MGAT4C: variants seen among roughly 807,000 people sequenced by gnomAD.
The protein encoded by MGAT4C is MGAT4 family member C.
A neutral mutation model predicts 40.1 loss-of-function variants in MGAT4C; 19 were observed. The observed-to-expected ratio is 0.47, with a 90% CI of 0.33 to 0.70. The LOEUF (loss-of-function observed/expected upper bound fraction) is 0.70, where lower values mean the gene tolerates loss of function less well. MGAT4C is among the 30% of genes least tolerant of loss of function. The pLI, the probability that MGAT4C is intolerant of heterozygous loss-of-function variation, is 0.02. For missense variants in MGAT4C, 491 were observed against 563.2 expected (o/e 0.87, Z 1.30); for synonymous variants, 181 against 187.1 (o/e 0.97, Z 0.27).
intron 2 of MGAT4C, among the ~76,000 whole-genome samples, chr12:86,572,383 C>T (rs1383382075): frequency 6.6e-6 from 1 of 152,052 alleles, no homozygotes; most frequent in East Asian, 1.9e-4. Context: ...CCTGTGGTTT[C>T]TATAACCAAT....
chr12:86,362,992 G>C (rs534730302), intron 3 of MGAT4C, among the ~76,000 whole-genome samples: 1 of 151,524 alleles, frequency 6.6e-6, no homozygotes, highest in African/African-American at 2.4e-5. Flanking sequence ...AATTCATTAA[G>C]AAGTAATAGT....
rs992579089 is a variant in MGAT4C, at chr12:85,969,200, T to C, written c.*10089A>G. 1 of 151,724 alleles carries C rather than the reference T, an allele frequency of 6.6e-6. No homozygotes were observed. The highest frequency in any genetic ancestry group is 1.5e-5 in the Non-Finnish European group (1 of 67,714). 9.4% of individuals were successfully genotyped at this position (151,724 alleles called of 1,614,324 possible). Reference sequence around the variant, plus strand: ...TGACTTGTTATAATCATTACTTTCATAGGTAATGGAAGTACCGATTAGGAG... The same window carrying C: ...TGACTTGTTATAATCATTACTTTCACAGGTAATGGAAGTACCGATTAGGAG... On this transcript the variant is annotated 3_prime_UTR_variant, in exon 5 of 5. Coordinates refer to ENST00000611864, the MANE Select transcript of MGAT4C (RefSeq NM_001351288.2).
chr12:86,294,337 G>A (rs1953606290), intron 4 of MGAT4C, among the ~76,000 whole-genome samples: 1 of 146,646 alleles, frequency 6.8e-6, no homozygotes, highest in Admixed American at 7.0e-5. Context: ...TGGGGGAAAA[G>A]GTGTTATTCA....
chr12:86,220,584 C>A (rs903925904), intron 1 of MGAT4C, among the ~76,000 whole-genome samples: 1 of 152,140 alleles, frequency 6.6e-6, no homozygotes, highest in Non-Finnish European at 1.5e-5. Context: ...CTAGTGCTTC[C>A]CTACTGTGAT....
chr12:86,338,974 A>G (rs1954847491), intron 3 of MGAT4C, among the ~76,000 whole-genome samples: 1 of 151,140 alleles, frequency 6.6e-6, no homozygotes, highest in South Asian at 2.1e-4. Context: ...AAAAAAAAAA[A>G]AAAAAAAACA....
At chr12:86,324,461 A>G (rs974094073) in intron 4 of MGAT4C, among the ~76,000 whole-genome samples, 13 of 151,842 alleles carry the variant, frequency 8.6e-5, no homozygotes, top group Admixed American at 8.5e-4. Flanking sequence ...TGATTTTGAT[A>G]TATTTATTAT....
At chr12:86,367,735 C>T (rs1172724973) in intron 3 of MGAT4C, among the ~76,000 whole-genome samples, 1 of 152,104 alleles carries the variant, frequency 6.6e-6, no homozygotes, top group Non-Finnish European at 1.5e-5. Context: ...GGAGGCAGAG[C>T]TTGCAGTGAA....
At chr12:86,828,414 A>G (rs574163468) in intron 1 of MGAT4C, among the ~76,000 whole-genome samples, 1 of 151,664 alleles carries the variant, frequency 6.6e-6, no homozygotes, top group South Asian at 2.1e-4. Flanking sequence ...ACCTTAATAT[A>G]CTTTCATAAC....
intron 1 of MGAT4C, among the ~76,000 whole-genome samples, chr12:86,774,686 A>G (rs1168197522): frequency 2.0e-5 from 3 of 151,840 alleles, no homozygotes; most frequent in Non-Finnish European, 4.4e-5. Flanking sequence ...ACCTGTTAAT[A>G]TGATTCTTTA....
In MGAT4C at chr12:85,974,087, CT is replaced by C. The variant is rs1883779391; in HGVS notation, c.*5201del. ...AATGCTATGCAACTCATATTTTGAT[CT>C]TTTAATGTTAAAGAATTCAAATAAA... On this transcript the variant is annotated 3_prime_UTR_variant, in exon 5 of 5. Transcript: ENST00000611864. 2 of 150,922 alleles carry C rather than the reference CT, an allele frequency of 1.3e-5. No homozygotes were observed. The highest frequency in any genetic ancestry group is 3.9e-4 in the East Asian group (2 of 5,166). The allele number at this position is 150,922 out of a possible 1,614,324, so 9.3% of individuals were successfully genotyped here.
intron 1 of MGAT4C, among the ~76,000 whole-genome samples, chr12:86,121,520 G>A (rs114363363): frequency 5.3e-5 from 8 of 152,252 alleles, no homozygotes; most frequent in African/African-American, 1.2e-4. Flanking sequence ...CCCACAAAAC[G>A]AAACCCATCA....
intron 2 of MGAT4C, among the ~76,000 whole-genome samples, chr12:86,482,712 T>G (rs1957957368): frequency 6.6e-6 from 1 of 152,134 alleles, no homozygotes; most frequent in African/African-American, 2.4e-5. Flanking sequence ...AAAGTCTATT[T>G]TCCTGGGTGA....
At chr12:86,412,864 G>A (rs1279209816) in intron 3 of MGAT4C, among the ~76,000 whole-genome samples, 5 of 152,150 alleles carry the variant, frequency 3.3e-5, no homozygotes, top group African/African-American at 1.2e-4. Context: ...CTGGTGGAAG[G>A]TGATTGGATC....
intron 3 of MGAT4C, among the ~76,000 whole-genome samples, chr12:86,405,391 A>T (rs1452452198): frequency 6.7e-6 from 1 of 150,314 alleles, no homozygotes; most frequent in African/African-American, 2.5e-5. Context: ...ACTTAGAAAC[A>T]GTCATAAAAA....
intron 1 of MGAT4C, among the ~76,000 whole-genome samples, chr12:86,146,954 G>C (rs1489795158): frequency 6.6e-6 from 1 of 152,010 alleles, no homozygotes; most frequent in African/African-American, 2.4e-5. Flanking sequence ...AAGTTTGGAA[G>C]TATTTCTACT....
chr12:86,524,961 T>C (rs1386781268), intron 2 of MGAT4C, among the ~76,000 whole-genome samples: 2 of 152,202 alleles, frequency 1.3e-5, no homozygotes, highest in Admixed American at 1.3e-4. Context: ...CTTCAGCTTC[T>C]ACATTGTTTT....
chr12:86,647,624 T>C (rs1389227996), intron 2 of MGAT4C, among the ~76,000 whole-genome samples: 2 of 152,040 alleles, frequency 1.3e-5, no homozygotes, highest in Non-Finnish European at 1.5e-5. Context: ...TAATTGTCTT[T>C]ACTCTAGATC....
chr12:86,522,133 T>C (rs1958805202), intron 2 of MGAT4C, among the ~76,000 whole-genome samples: 1 of 152,156 alleles, frequency 6.6e-6, no homozygotes, highest in South Asian at 2.1e-4. Context: ...GGACTTCTAA[T>C]ACTATGTTGA....
intron 4 of MGAT4C, among the ~76,000 whole-genome samples, chr12:86,329,491 T>G (rs1954609037): frequency 6.6e-6 from 1 of 152,176 alleles, no homozygotes; most frequent in Non-Finnish European, 1.5e-5. Context: ...TTAGCTGACA[T>G]GCCTGCCAAA....
Sources: allele counts gnomAD v4.1 joint callset (sites outside exome capture counted in the v4.1 genomes callset), GRCh38; gene constraint gnomAD v4.1.1; transcripts MANE v1.5; gene names NCBI Gene and HGNC (gene_info 2026-07-23, HGNC 2026-07-21).